Variants in ADCY5 observed in about 807,000 individuals in gnomAD.
The protein encoded by ADCY5 is adenylate cyclase 5, also known as adenylate cyclase type 5.
ADCY5 carries 30 observed loss-of-function variants against 119.7 expected under a neutral mutation model. The ratio of observed to expected loss-of-function variants is 0.25; its 90% CI spans 0.19 to 0.34. The LOEUF is 0.34. ADCY5 is among the 10% of genes least tolerant of loss of function. The pLI, the probability that ADCY5 is intolerant of heterozygous loss-of-function variation, is 1.00. For synonymous variants in ADCY5, 753 were observed against 762.2 expected (o/e 0.99, Z 0.20); for missense variants, 1,324 against 1,775.2 (o/e 0.75, Z 4.57).
chr3:123,383,259 G>C lies in ADCY5; in HGVS notation c.1135-30678C>G, dbSNP rs551494294. 1.6e-4 allele frequency among the ~76,000 whole-genome samples: 24 copies of C among 152,320 alleles called. No homozygotes were observed. In the South Asian group the frequency reaches 2.7e-3, roughly 17 times the overall value. On this transcript the variant is annotated intron_variant, in intron 1 of 20. Coordinates refer to ENST00000462833, the MANE Select transcript of ADCY5 (RefSeq NM_183357.3). The stretch of plus-strand genomic sequence containing the variant: ...TCCCAGGACTAGAAATTCCAGGGAA[G>C]CCAAGTCAGTAGCCATAGTGTGTGT...
At chr3:123,322,848 T>G (rs1941292737) in intron 8 of ADCY5, among the ~76,000 whole-genome samples, 1 of 152,250 alleles carries the variant, frequency 6.6e-6, no homozygotes, top group Non-Finnish European at 1.5e-5. Flanking sequence ...AAGGCACTGC[T>G]GACTCCGACT....
rs750481144 is a variant in ADCY5, at chr3:123,319,713, C to T, written c.2217G>A (p.Lys739=). 1 of 1,614,234 alleles carries T rather than the reference C, an allele frequency of 6.2e-7. No homozygotes were observed. The highest frequency in any genetic ancestry group is 1.3e-5 in the African/African-American group (1 of 75,066). Residue 739 remains lysine (K), a synonymous_variant, in exon 10 of 21, where the codon AAG becomes AAA. Coordinates refer to ENST00000462833, the MANE Select transcript of ADCY5 (RefSeq NM_183357.3). ...CAGGCTCCCTGAAGGTCAGGAGGAA[C>T]TTGCGGACGTGCTCAGACCGAAGCC... ...IDRLRSEHVR[K]FLLTFREPDL...
At chr3:123,402,953 G>C (rs1944811512) in intron 1 of ADCY5, among the ~76,000 whole-genome samples, 1 of 152,046 alleles carries the variant, frequency 6.6e-6, no homozygotes. Flanking sequence ...TTAGAGATTG[G>C]TGATTTAAAA....
intron 18 of ADCY5, 38 bp downstream of exon 18, chr3:123,291,075 T>A (rs1296144908): frequency 6.3e-7 from 1 of 1,580,808 alleles, no homozygotes; most frequent in Non-Finnish European, 8.6e-7. Flanking sequence ...TGTAGGCCCC[T>A]CCCAGGAACA....
chr3:123,368,977 A>T (rs577817066), intron 1 of ADCY5, among the ~76,000 whole-genome samples: 16 of 152,330 alleles, frequency 1.1e-4, no homozygotes, highest in African/African-American at 3.8e-4. Context: ...GATGGTGAGC[A>T]TCAAACACAA....
In ADCY5 at chr3:123,371,937, C is replaced by T. The variant is rs977392713; in HGVS notation, c.1135-19356G>A. Among the ~76,000 whole-genome samples the T allele has an allele frequency of 2.0e-5, 3 of 152,192 alleles. No homozygotes were observed. In the South Asian group the frequency reaches 6.2e-4, roughly 32 times the overall value. ...AGGGGATTTGAAGAAGGTGGGCAGG[C>T]GAAGTCCCTGGGGTCTGCAGTGAGC... On this transcript the variant is annotated intron_variant, in intron 1 of 20. Transcript: ENST00000462833.
chr3:123,448,440 C>G lies in ADCY5; in HGVS notation c.106G>C (p.Asp36His), dbSNP rs779142923. 7.5e-7 allele frequency: 1 copy of G among 1,329,490 alleles called. No individual in the cohort carries two copies. Among genetic ancestry groups the G allele is most frequent in the South Asian group, 1.9e-5 (1 of 52,480 alleles). The allele number at this position is 1,329,490 out of a possible 1,614,324, so 82.4% of individuals were successfully genotyped here. A position where few individuals can be genotyped will look rare whatever the true frequency, so the allele number is the denominator to read the frequency against. ...TGGGGGTAGCCATTCGCGCGGGAAT[C>G]GGCCTCGCCCCACGCAGAGCGGTGT... ...PEHRSAWGEA[D>H]SRANGYPHAP... Residue 36 changes from aspartate (D) to histidine (H), a missense_variant, in exon 1 of 21, where the codon GAT (aspartate) becomes CAT (histidine). Around this residue, in one of 6 missense-constraint regions of ADCY5, gnomAD observed 585 missense variants for 569.9 expected, o/e 1.03. Transcript: ENST00000462833.
At chr3:123,330,845 A>T in intron 5 of ADCY5, 44 bp downstream of exon 5, 4 of 1,562,184 alleles carry the variant, frequency 2.6e-6, no homozygotes, top group Non-Finnish European at 3.5e-6. Flanking sequence ...CGGGCTGTGG[A>T]CAGTCCCAGG....
chr3:123,361,216 C>T (rs895252452), intron 1 of ADCY5, among the ~76,000 whole-genome samples: 2 of 152,138 alleles, frequency 1.3e-5, no homozygotes, highest in African/African-American at 4.8e-5. Flanking sequence ...CAATGAATGT[C>T]CTCCGGGGGC....
chr3:123,394,047 T>C (rs1174186926), intron 1 of ADCY5, among the ~76,000 whole-genome samples: 1 of 152,070 alleles, frequency 6.6e-6, no homozygotes, highest in East Asian at 1.9e-4. Flanking sequence ...GGAGGATCAC[T>C]TCAACCCATA....
At position 123,376,349 on chromosome 3, in the gene ADCY5, C is replaced by A. The variant is rs572454782; in HGVS notation, c.1135-23768G>T. On this transcript the variant is annotated intron_variant, in intron 1 of 20. Transcript: ENST00000462833. ...CTGGGACGGTGGACTGTCTTCCTCACAGTGAGTGCCTAAGAATCACTAGGA... is the reference window on the plus strand; with the variant it reads ...CTGGGACGGTGGACTGTCTTCCTCAAAGTGAGTGCCTAAGAATCACTAGGA... Among the ~76,000 whole-genome samples, 558 of 152,212 alleles carry A rather than the reference C, an allele frequency of 3.7e-3. 2 individuals carry two copies. The highest frequency in any genetic ancestry group is 6.3e-3 in the Non-Finnish European group (431 of 68,014).
intron 1 of ADCY5, among the ~76,000 whole-genome samples, chr3:123,430,277 T>TCAGCCTTA (rs1945496353): frequency 2.0e-5 from 3 of 152,316 alleles, no homozygotes; most frequent in Admixed American, 1.3e-4. Flanking sequence ...CAGGCCGGAC[T>TCAGCCTTA]CAGCCTTACA....
At chr3:123,383,916 T>A (rs941309376) in intron 1 of ADCY5, among the ~76,000 whole-genome samples, 3 of 117,456 alleles carry the variant, frequency 2.6e-5, no homozygotes, top group African/African-American at 1.2e-4. Flanking sequence ...ACACCCTTCC[T>A]CAAGGCATGC....
At chr3:123,401,217 A>G (rs1234691705) in intron 1 of ADCY5, among the ~76,000 whole-genome samples, 1 of 152,172 alleles carries the variant, frequency 6.6e-6, no homozygotes, top group East Asian at 1.9e-4. Context: ...CTGGATTTGA[A>G]GGTCCCCAAG....
chr3:123,309,304 G>GA (rs1311220854), intron 12 of ADCY5, among the ~76,000 whole-genome samples: 1 of 151,952 alleles, frequency 6.6e-6, no homozygotes, highest in Non-Finnish European at 1.5e-5. Flanking sequence ...TCCTACTTCA[G>GA]AAAAAGAAAA....
intron 1 of ADCY5, among the ~76,000 whole-genome samples, chr3:123,407,922 T>C (rs1944943878): frequency 1.3e-5 from 2 of 151,104 alleles, no homozygotes; most frequent in African/African-American, 4.9e-5. Context: ...AAATTCGGAG[T>C]GACTACTAAT....
chr3:123,386,656 C>A (rs1187829809), intron 1 of ADCY5, among the ~76,000 whole-genome samples: 1 of 152,158 alleles, frequency 6.6e-6, no homozygotes, highest in Non-Finnish European at 1.5e-5. Flanking sequence ...GGGCCCAAAT[C>A]TGTTAGCCAA....
At chr3:123,367,925 T>G (rs758595890) in intron 1 of ADCY5, 2 of 1,535,166 alleles carry the variant, frequency 1.3e-6, no homozygotes, top group South Asian at 1.2e-5. Context: ...GTGCGGAACC[T>G]AGATGGGGCC....
At chr3:123,446,171 C>A (rs1945809006) in intron 1 of ADCY5, among the ~76,000 whole-genome samples, 1 of 152,154 alleles carries the variant, frequency 6.6e-6, no homozygotes, top group Non-Finnish European at 1.5e-5. Context: ...GCCCTGAAAC[C>A]CATAACAGTG....
Sources: gnomAD v4.1 joint callset for allele counts (sites outside exome capture counted in the v4.1 genomes callset) on GRCh38, gnomAD v4.1.1 for gene constraint, gnomAD v4.1.1 regional missense constraint, MANE v1.5 for transcripts, NCBI Gene and HGNC (gene_info 2026-07-23, HGNC 2026-07-21) for gene names.